KCNH8: variants seen among roughly 807,000 people sequenced by gnomAD.
KCNH8 encodes potassium voltage-gated channel subfamily H member 8.
A neutral mutation model predicts 103.6 loss-of-function variants in KCNH8; 70 were observed. The observed-to-expected ratio is 0.68, with a 90% confidence interval of 0.56 to 0.82. The LOEUF is 0.82. Among genes scored for constraint, KCNH8 ranks in the 40% least tolerant of loss-of-function variants. The pLI is 0.00. For synonymous variants in KCNH8, 498 were observed against 489.4 expected, an observed-to-expected ratio of 1.02 and a Z score of -0.23; for missense variants, 1,217 against 1,329.9, an observed-to-expected ratio of 0.92 and a Z score of 1.32.
intron 5 of KCNH8, among the ~76,000 whole-genome samples, chr3:19,350,357 C>A (rs529385339): frequency 3.9e-5 from 6 of 152,156 alleles, no homozygotes; most frequent in Admixed American, 2.0e-4. Flanking sequence ...ACTTCCCTGT[C>A]TGACAGCTTT....
intron 7 of KCNH8, among the ~76,000 whole-genome samples, chr3:19,400,233 A>C (rs909050379): frequency 1.2e-4 from 17 of 142,300 alleles, no homozygotes; most frequent in African/African-American, 3.8e-4. Context: ...TTAGCCAGCA[A>C]AAAAAAAAAA....
chr3:19,316,595 A>G (rs137892485), intron 3 of KCNH8, among the ~76,000 whole-genome samples: 7 of 152,112 alleles, frequency 4.6e-5, no homozygotes, highest in Admixed American at 6.6e-5. Context: ...AAAAAGGGCT[A>G]TCTCTCTGCT....
At position 19,367,428 on chromosome 3, in the gene KCNH8, T is replaced by G. The variant is rs191536772; in HGVS notation, c.811+19463T>G. Among the ~76,000 whole-genome samples the G allele has an allele frequency of 2.6e-3, 383 of 146,480 alleles. 3 individuals carry two copies. Among genetic ancestry groups the G allele is most frequent in the African/African-American group, 8.2e-3 (329 of 40,190 alleles). ...TATTTATATATATATCAGAAATATA[T>G]ATATCATAATATATATATATCAGAA... On this transcript the variant is annotated intron_variant, in intron 5 of 15. Transcript: ENST00000328405.
intron 11 of KCNH8, among the ~76,000 whole-genome samples, chr3:19,485,263 A>G (rs571543122): frequency 3.2e-4 from 48 of 152,236 alleles, no homozygotes; most frequent in African/African-American, 1.1e-3. Context: ...GCCTCCACCT[A>G]CCTAGAGTAA....
At chr3:19,273,747 T>C (rs2064623107) in intron 2 of KCNH8, among the ~76,000 whole-genome samples, 1 of 152,152 alleles carries the variant, frequency 6.6e-6, no homozygotes, top group Non-Finnish European at 1.5e-5. Context: ...ATAAGTACAT[T>C]CTCTTTGTCT....
intron 5 of KCNH8, among the ~76,000 whole-genome samples, chr3:19,377,152 T>G (rs192916730): frequency 1.3e-5 from 2 of 152,212 alleles, no homozygotes; most frequent in African/African-American, 4.8e-5. Context: ...TTAACAGCTG[T>G]AGCAGCCAAC....
chr3:19,479,727 G>A lies in KCNH8; in HGVS notation c.2040+22745G>A, dbSNP rs1456950860. 6.6e-5 allele frequency among the ~76,000 whole-genome samples: 10 copies of A among 152,262 alleles called. No homozygotes were observed. In the East Asian group the frequency reaches 1.9e-3, roughly 29 times the overall value. ...GTCTCTATTATATGATACTTATTAT[G>A]ATTTTGCAGGAGTAGACATTTTAAC... On this transcript the variant is annotated intron_variant, in intron 11 of 15. Coordinates refer to ENST00000328405, the MANE Select transcript of KCNH8 (RefSeq NM_144633.3).
chr3:19,225,147 T>C (rs1315808977), intron 1 of KCNH8, among the ~76,000 whole-genome samples: 1 of 152,012 alleles, frequency 6.6e-6, no homozygotes, highest in African/African-American at 2.4e-5. Context: ...TCTCAATACC[T>C]GAAATCGAAT....
At chr3:19,335,491 A>G (rs199813185) in intron 3 of KCNH8, among the ~76,000 whole-genome samples, 15,916 of 146,500 alleles carry the variant, frequency 0.11, 1,013 homozygotes, top group East Asian at 0.18. Context: ...GTGTATATAT[A>G]TATATATATA....
At chr3:19,264,803 C>T (rs1300699404) in intron 2 of KCNH8, among the ~76,000 whole-genome samples, 3 of 152,048 alleles carry the variant, frequency 2.0e-5, no homozygotes, top group Non-Finnish European at 4.4e-5. Flanking sequence ...TTTCATCAAC[C>T]CTTTGAGGAA....
intron 7 of KCNH8, among the ~76,000 whole-genome samples, chr3:19,436,763 A>G (rs779953951): frequency 6.6e-6 from 1 of 152,246 alleles, no homozygotes; most frequent in South Asian, 2.1e-4. Context: ...TTGAGTAAGC[A>G]TATCACCTGT....
chr3:19,322,338 C>A (rs116111688), intron 3 of KCNH8, among the ~76,000 whole-genome samples: 2 of 151,854 alleles, frequency 1.3e-5, no homozygotes, highest in Non-Finnish European at 2.9e-5. Context: ...GGATTTGTTT[C>A]GAAATTTAAA....
chr3:19,336,926 T>C (rs1195549368), intron 3 of KCNH8, among the ~76,000 whole-genome samples: 1 of 151,946 alleles, frequency 6.6e-6, no homozygotes, highest in Non-Finnish European at 1.5e-5. Flanking sequence ...AGAGAGAGTA[T>C]ATTTCAGCGT....
chr3:19,393,531 A>G (rs1035920028), intron 6 of KCNH8, among the ~76,000 whole-genome samples: 1 of 152,000 alleles, frequency 6.6e-6, no homozygotes. Context: ...TCCATTTGGG[A>G]CTTCCGTTCC....
At chr3:19,190,594 C>T (rs1299123748) in intron 1 of KCNH8, among the ~76,000 whole-genome samples, 1 of 151,728 alleles carries the variant, frequency 6.6e-6, no homozygotes, top group Non-Finnish European at 1.5e-5. Context: ...AATACGTGTC[C>T]AATGTATTTA....
intron 2 of KCNH8, among the ~76,000 whole-genome samples, chr3:19,272,886 A>G (rs1054646267): frequency 2.0e-5 from 3 of 152,232 alleles, no homozygotes; most frequent in East Asian, 1.9e-4. Flanking sequence ...TTTCACTCCA[A>G]TTAGAATATA....
intron 11 of KCNH8, among the ~76,000 whole-genome samples, chr3:19,476,185 T>G (rs1197622038): frequency 6.6e-6 from 1 of 152,198 alleles, no homozygotes; most frequent in Non-Finnish European, 1.5e-5. Flanking sequence ...CTTTTGTGGC[T>G]AATTGAGCTT....
intron 1 of KCNH8, among the ~76,000 whole-genome samples, chr3:19,251,713 G>A (rs1246607004): frequency 6.6e-6 from 1 of 152,006 alleles, no homozygotes; most frequent in East Asian, 1.9e-4. Context: ...TTTTTGAATA[G>A]GCAATATATA....
chr3:19,288,581 A>T (rs984758894), intron 3 of KCNH8, among the ~76,000 whole-genome samples: 12 of 152,036 alleles, frequency 7.9e-5, no homozygotes, highest in South Asian at 4.2e-4. Flanking sequence ...TATGGCTGCA[A>T]AGTATTCCAT....
Sources: allele counts gnomAD v4.1 joint callset (sites outside exome capture counted in the v4.1 genomes callset), GRCh38; gene constraint gnomAD v4.1.1; transcripts MANE v1.5; gene names NCBI Gene and HGNC (gene_info 2026-07-23, HGNC 2026-07-21).